Variants in DYNC1I1 observed in about 807,000 individuals in gnomAD.
The protein encoded by DYNC1I1 is cytoplasmic dynein 1 intermediate chain 1.
In DYNC1I1, 43 loss-of-function variants were observed where a neutral mutation model predicts 86.6. The ratio of observed to expected loss-of-function variants is 0.50; its 90% CI spans 0.39 to 0.64. The LOEUF is 0.64. Among genes scored for constraint, DYNC1I1 ranks in the 30% least tolerant of loss-of-function variants. The pLI is 0.00. For missense variants in DYNC1I1, 604 were observed against 788.8 expected (o/e 0.77, Z 2.81); for synonymous variants, 262 against 283.7 (o/e 0.92, Z 0.77).
intron 14 of DYNC1I1, among the ~76,000 whole-genome samples, chr7:96,069,824 C>T (rs1790108097): frequency 6.6e-6 from 1 of 152,176 alleles, no homozygotes; most frequent in South Asian, 2.1e-4. Context: ...CAACAAAGAA[C>T]ACCTTTCATG....
Position 95,825,324 on chromosome 7 carries a change from G to A in DYNC1I1, c.315-2733G>A, listed in dbSNP as rs200547896. Reference sequence around the variant, plus strand: ...CCATCGGGGAGCTGCTGGGAGAAGTGGAAAAGGTCACTAAAAATCAGCCCA... The same window carrying A: ...CCATCGGGGAGCTGCTGGGAGAAGTAGAAAAGGTCACTAAAAATCAGCCCA... On this transcript the variant is annotated intron_variant, in intron 4 of 16. Coordinates refer to ENST00000447467, the MANE Select transcript of DYNC1I1 (RefSeq NM_001135556.2). 3.9e-5 allele frequency among the ~76,000 whole-genome samples: 6 copies of A among 152,098 alleles called. No homozygotes were observed. The East Asian group carries it at 1.2e-3, about 29-fold the overall frequency.
chr7:96,072,507 A>T (rs1790200317), intron 14 of DYNC1I1, among the ~76,000 whole-genome samples: 2 of 152,234 alleles, frequency 1.3e-5, no homozygotes, highest in South Asian at 4.1e-4. Flanking sequence ...TTCATTTACT[A>T]ACTGGCCTTG....
At chr7:95,800,907 T>C (rs1338553949) in intron 1 of DYNC1I1, among the ~76,000 whole-genome samples, 2 of 152,250 alleles carry the variant, frequency 1.3e-5, no homozygotes, top group African/African-American at 4.8e-5. Flanking sequence ...TTTGCTTTCT[T>C]TGATGTGCAG....
At chr7:96,045,723 C>T (rs1429037049) in intron 14 of DYNC1I1, among the ~76,000 whole-genome samples, 1 of 152,044 alleles carries the variant, frequency 6.6e-6, no homozygotes, top group Non-Finnish European at 1.5e-5. Context: ...AGTAGCTTCC[C>T]ATGAGAAGGC....
In DYNC1I1 at chr7:96,095,849, G is replaced by A. The variant is rs555605084; in HGVS notation, c.1777-1634G>A. 1.1e-4 allele frequency among the ~76,000 whole-genome samples: 17 copies of A among 152,192 alleles called. No individual in the cohort carries two copies. The South Asian group carries it at 1.9e-3, about 17-fold the overall frequency. On this transcript the variant is annotated intron_variant, in intron 16 of 16. Transcript: ENST00000447467. ...AATTGAAGAAAAAAAATGAAGAATC[G>A]TGGAATATAGGAAAAGAGTCCAAAG... is the stretch of plus-strand genomic sequence containing the variant.
chr7:96,038,895 C>G (rs1227507890), intron 13 of DYNC1I1, among the ~76,000 whole-genome samples: 1 of 152,014 alleles, frequency 6.6e-6, no homozygotes, highest in African/African-American at 2.4e-5. Context: ...GTGCAAAATG[C>G]TATCTCAAGA....
chr7:95,984,611 A>G (rs1562963238), intron 7 of DYNC1I1, among the ~76,000 whole-genome samples: 3 of 152,152 alleles, frequency 2.0e-5, no homozygotes, highest in Admixed American at 6.6e-5. Context: ...CAAATATGCA[A>G]TCTTTTTGTG....
intron 6 of DYNC1I1, among the ~76,000 whole-genome samples, chr7:95,884,637 T>C (rs1471038243): frequency 6.6e-6 from 1 of 151,876 alleles, no homozygotes; most frequent in Non-Finnish European, 1.5e-5. Flanking sequence ...AAAAGGATAA[T>C]AGAGACAACA....
At chr7:96,050,561 CATG>C (rs1789376123) in intron 14 of DYNC1I1, among the ~76,000 whole-genome samples, 2 of 152,116 alleles carry the variant, frequency 1.3e-5, no homozygotes, top group African/African-American at 4.8e-5. Flanking sequence ...GTGGGACAAA[CATG>C]ATATTACATA....
intron 1 of DYNC1I1, among the ~76,000 whole-genome samples, chr7:95,801,658 T>C (rs1584235979): frequency 6.6e-6 from 1 of 152,314 alleles, no homozygotes; most frequent in East Asian, 1.9e-4. Context: ...ACAGTGATTT[T>C]TCTGATCATA....
intron 6 of DYNC1I1, among the ~76,000 whole-genome samples, chr7:95,922,982 T>C (rs2116383419): frequency 6.6e-6 from 1 of 152,266 alleles, no homozygotes; most frequent in East Asian, 1.9e-4. Context: ...TCTAAAGTCA[T>C]ATTTGCATTT....
intron 6 of DYNC1I1, among the ~76,000 whole-genome samples, chr7:95,960,864 A>G (rs1307859198): frequency 6.6e-6 from 1 of 152,198 alleles, no homozygotes; most frequent in African/African-American, 2.4e-5. Context: ...TGTTTGAGTG[A>G]TTTGGTTTAA....
chr7:95,966,525 T>C (rs1158277139), intron 6 of DYNC1I1, among the ~76,000 whole-genome samples: 2 of 152,182 alleles, frequency 1.3e-5, no homozygotes, highest in African/African-American at 4.8e-5. Flanking sequence ...TTTCTCTTCA[T>C]ACTGTTCGGT....
chr7:95,902,950 G>A (rs1312567054), intron 6 of DYNC1I1, among the ~76,000 whole-genome samples: 1 of 152,122 alleles, frequency 6.6e-6, no homozygotes, highest in Non-Finnish European at 1.5e-5. Flanking sequence ...CTTTCTAGTT[G>A]GTCCAGTGTT....
intron 10 of DYNC1I1, among the ~76,000 whole-genome samples, chr7:96,011,715 T>C (rs777620133): frequency 1.3e-5 from 2 of 152,202 alleles, no homozygotes; most frequent in Non-Finnish European, 2.9e-5. Flanking sequence ...GTCAATCTAG[T>C]TCTCAAGACA....
intron 6 of DYNC1I1, among the ~76,000 whole-genome samples, chr7:95,940,274 T>A (rs1170922820): frequency 6.6e-6 from 1 of 151,296 alleles, no homozygotes; most frequent in East Asian, 1.9e-4. Flanking sequence ...CAATTATGTG[T>A]CTTGGAGTTG....
chr7:95,971,083 G>C (rs1415411788), intron 6 of DYNC1I1, among the ~76,000 whole-genome samples: 1 of 152,120 alleles, frequency 6.6e-6, no homozygotes, highest in African/African-American at 2.4e-5. Flanking sequence ...AAGCAGGTCA[G>C]AGCTCTGCTG....
intron 6 of DYNC1I1, among the ~76,000 whole-genome samples, chr7:95,920,654 C>A (rs138581230): frequency 0.011 from 1,747 of 152,274 alleles, 18 homozygotes; most frequent in African/African-American, 0.027. Flanking sequence ...AAAAATAATT[C>A]TTATTATCAT....
intron 11 of DYNC1I1, among the ~76,000 whole-genome samples, chr7:96,028,602 G>A (rs748940191): frequency 1.2e-4 from 19 of 152,084 alleles, no homozygotes; most frequent in Non-Finnish European, 2.4e-4. Context: ...AGGCATCTGT[G>A]GAATTGTTTT....
Sources: gnomAD v4.1 joint callset for allele counts (sites outside exome capture counted in the v4.1 genomes callset) on GRCh38, gnomAD v4.1.1 for gene constraint, MANE v1.5 for transcripts, NCBI Gene and HGNC (gene_info 2026-07-23, HGNC 2026-07-21) for gene names.